The following USP15 variants were observed in gnomAD, a reference collection of about 807,000 sequenced individuals.
USP15 encodes ubiquitin carboxyl-terminal hydrolase 15.
USP15 carries 18 observed loss-of-function variants against 127.1 expected under a neutral mutation model. The ratio of observed to expected loss-of-function variants is 0.14; its 90% confidence interval spans 0.10 to 0.21. USP15 has a LOEUF of 0.21. Among genes scored for constraint, USP15 ranks in the 10% least tolerant of loss-of-function variants. USP15 has a pLI of 1.00. For missense variants in USP15, 805 were observed against 1,159.9 expected, an observed-to-expected ratio of 0.69 and a Z score of 4.44; for synonymous variants, 364 against 393.7, an observed-to-expected ratio of 0.92 and a Z score of 0.89.
chr12:62,284,976 T>C (rs983362931), intron 1 of USP15, among the ~76,000 whole-genome samples: 3 of 152,152 alleles, frequency 2.0e-5, no homozygotes, highest in African/African-American at 7.2e-5. Context: ...ACTTTTGAAA[T>C]CATTCAAAAA....
At chr12:62,315,156 A>G in intron 4 of USP15, 1 of 265,976 alleles carries the variant, frequency 3.8e-6, no homozygotes, top group Non-Finnish European at 6.9e-6. Context: ...TCAAATAATT[A>G]TTGTTTTTAT....
chr12:62,337,133 G>A (rs1371470144), intron 6 of USP15, among the ~76,000 whole-genome samples: 1 of 152,128 alleles, frequency 6.6e-6, no homozygotes, highest in Non-Finnish European at 1.5e-5. Context: ...CAACTTTGTG[G>A]TGTCAGAGTC....
At chr12:62,398,180 G>T (rs2067559145) in intron 20 of USP15, among the ~76,000 whole-genome samples, 1 of 151,644 alleles carries the variant, frequency 6.6e-6, no homozygotes, top group Admixed American at 6.6e-5. Flanking sequence ...TTTAGTAGCA[G>T]TGGGGTTTCA....
chr12:62,394,440 A>T (rs971958115), intron 19 of USP15, among the ~76,000 whole-genome samples: 2 of 152,228 alleles, frequency 1.3e-5, no homozygotes, highest in Non-Finnish European at 2.9e-5. Flanking sequence ...GGTGGCTATA[A>T]ATTTAAAATT....
intron 6 of USP15, among the ~76,000 whole-genome samples, chr12:62,343,105 A>G (rs1266459182): frequency 6.6e-6 from 1 of 152,148 alleles, no homozygotes; most frequent in Non-Finnish European, 1.5e-5. Context: ...TTCTTCAGAG[A>G]TGCCCTGCCC....
intron 1 of USP15, chr12:62,278,840 TG>T (rs2063567711): frequency 6.6e-6 from 1 of 152,286 alleles, no homozygotes; most frequent in Admixed American, 6.5e-5. Flanking sequence ...ACAGAAAATC[TG>T]TTTTATAATA....
intron 8 of USP15, among the ~76,000 whole-genome samples, chr12:62,369,713 G>A (rs2066599227): frequency 6.6e-6 from 1 of 152,068 alleles, no homozygotes; most frequent in African/African-American, 2.4e-5. Flanking sequence ...TCTAAGTGCA[G>A]TTTTCTATAC....
chr12:62,273,392 G>C (rs1342291281), intron 1 of USP15, among the ~76,000 whole-genome samples: 1 of 151,948 alleles, frequency 6.6e-6, no homozygotes, highest in Non-Finnish European at 1.5e-5. Context: ...AGGGACCTTG[G>C]CTGTTTTGCC....
chr12:62,340,014 C>T (rs1218687098), intron 6 of USP15, among the ~76,000 whole-genome samples: 1 of 152,090 alleles, frequency 6.6e-6, no homozygotes, highest in East Asian at 1.9e-4. Flanking sequence ...CAGTCTGGTC[C>T]TGGGCCTTTT....
At chr12:62,331,407 T>C (rs2065295834) in intron 6 of USP15, among the ~76,000 whole-genome samples, 1 of 152,204 alleles carries the variant, frequency 6.6e-6, no homozygotes, top group Non-Finnish European at 1.5e-5. Context: ...TTGTAGGTGA[T>C]GTTTATTGAC....
At chr12:62,338,417 T>G (rs1003089890) in intron 6 of USP15, among the ~76,000 whole-genome samples, 1 of 152,206 alleles carries the variant, frequency 6.6e-6, no homozygotes, top group Non-Finnish European at 1.5e-5. Flanking sequence ...TTTCTCCCAT[T>G]CTGTAGGTTG....
chr12:62,311,860 A>G (rs1592560831), intron 3 of USP15, among the ~76,000 whole-genome samples: 4 of 151,842 alleles, frequency 2.6e-5, no homozygotes, highest in African/African-American at 9.7e-5. Context: ...TACATTAAAA[A>G]TGAGACAGAA....
At chr12:62,312,738 GGTAAA>G (rs1163554121) in intron 3 of USP15, among the ~76,000 whole-genome samples, 3 of 151,380 alleles carry the variant, frequency 2.0e-5, no homozygotes, top group Non-Finnish European at 4.4e-5. Context: ...ATAATAATTA[GGTAAA>G]TAAAACTATA....
chr12:62,335,124 A>C, intron 6 of USP15: 1 of 1,526,566 alleles, frequency 6.6e-7, no homozygotes, highest in Middle Eastern at 1.7e-4. Flanking sequence ...ATGTCTAGTT[A>C]ATGTATGATA....
At chr12:62,298,076 G>A (rs1039101673) in intron 2 of USP15, among the ~76,000 whole-genome samples, 5 of 152,064 alleles carry the variant, frequency 3.3e-5, no homozygotes, top group Admixed American at 1.3e-4. Flanking sequence ...ACTTGTAGAC[G>A]GATCATTTGA....
chr12:62,402,722 AGTT>A (rs977807463), intron 21 of USP15, among the ~76,000 whole-genome samples: 3 of 152,126 alleles, frequency 2.0e-5, no homozygotes, highest in African/African-American at 7.2e-5. Context: ...GTGGCATTCT[AGTT>A]GTTTAGACAT....
chr12:62,329,389 A>C (rs930028159), intron 6 of USP15, among the ~76,000 whole-genome samples: 4 of 152,172 alleles, frequency 2.6e-5, no homozygotes, highest in African/African-American at 9.7e-5. Context: ...TAAATAAATA[A>C]ATGTGAATAG....
At chr12:62,264,400 A>C (rs567322060) in intron 1 of USP15, among the ~76,000 whole-genome samples, 2 of 152,226 alleles carry the variant, frequency 1.3e-5, no homozygotes, top group Non-Finnish European at 2.9e-5. Flanking sequence ...TCATCTGCCA[A>C]TCATTTTCAG....
At chr12:62,399,386 A>G (rs541854721) in intron 20 of USP15, among the ~76,000 whole-genome samples, 2 of 152,324 alleles carry the variant, frequency 1.3e-5, no homozygotes, top group East Asian at 3.9e-4. Context: ...TTCATGGGGT[A>G]CAGTCATATT....
Sources: allele counts gnomAD v4.1 joint callset (sites outside exome capture counted in the v4.1 genomes callset), GRCh38; gene constraint gnomAD v4.1.1; transcripts MANE v1.5; gene names NCBI Gene and HGNC (gene_info 2026-07-23, HGNC 2026-07-21).